RBFOX1: variants seen among roughly 807,000 people sequenced by gnomAD.
RBFOX1 encodes the protein RNA binding protein fox-1 homolog 1.
Under a neutral mutation model 57.7 loss-of-function variants are expected in RBFOX1, and 8 were observed. That is an observed-to-expected ratio of 0.14 (90% CI 0.08 to 0.25). The LOEUF is 0.25. RBFOX1 is among the 10% of genes least tolerant of loss of function. The pLI is 1.00. For synonymous variants in RBFOX1, 326 were observed against 222.4 expected, an observed-to-expected ratio of 1.47 and a Z score of -4.15; for missense variants, 611 against 548.5, an observed-to-expected ratio of 1.11 and a Z score of -1.14.
chr16:7,504,171 T>G (rs901960942), intron 4 of RBFOX1, among the ~76,000 whole-genome samples: 2 of 152,274 alleles, frequency 1.3e-5, no homozygotes, highest in Admixed American at 6.5e-5. Flanking sequence ...GATAATTTTC[T>G]TAGCGTCTCA....
chr16:6,553,028 A>G (rs1361875145), intron 2 of RBFOX1, among the ~76,000 whole-genome samples: 1 of 152,142 alleles, frequency 6.6e-6, no homozygotes, highest in Non-Finnish European at 1.5e-5. Flanking sequence ...GGCTTTTATT[A>G]TTATTTGTTT....
At chr16:5,386,702 C>G (rs990044170) in intron 1 of RBFOX1, among the ~76,000 whole-genome samples, 1 of 152,132 alleles carries the variant, frequency 6.6e-6, no homozygotes, top group African/African-American at 2.4e-5. Context: ...TGGCCACCTC[C>G]TTGATTCCCC....
chr16:6,118,245 A>G (rs1343167322), intron 1 of RBFOX1, among the ~76,000 whole-genome samples: 11 of 152,134 alleles, frequency 7.2e-5, no homozygotes, highest in Admixed American at 6.5e-4. Context: ...CCAGGATCCA[A>G]TCCATTATTC....
intron 4 of RBFOX1, among the ~76,000 whole-genome samples, chr16:7,218,326 T>G (rs1180818778): frequency 1.3e-5 from 2 of 152,232 alleles, no homozygotes; most frequent in African/African-American, 4.8e-5. Flanking sequence ...TAAGCCATCA[T>G]CAGTATATTG....
At chr16:7,120,558 A>G (rs141724570) in intron 4 of RBFOX1, among the ~76,000 whole-genome samples, 13 of 151,978 alleles carry the variant, frequency 8.6e-5, no homozygotes, top group African/African-American at 3.1e-4. Flanking sequence ...TTCCTTGACA[A>G]CCATTACCAA....
At chr16:5,566,265 A>G (rs951696582) in intron 2 of RBFOX1, among the ~76,000 whole-genome samples, 1 of 152,100 alleles carries the variant, frequency 6.6e-6, no homozygotes, top group Non-Finnish European at 1.5e-5. Context: ...CTGAGGGTTC[A>G]TGTATTAACA....
intron 4 of RBFOX1, among the ~76,000 whole-genome samples, chr16:5,986,581 GTC>G: frequency 6.6e-6 from 1 of 151,614 alleles, no homozygotes; most frequent in South Asian, 2.1e-4. Flanking sequence ...CTGATTCGTT[GTC>G]TGTATCTAAA....
At chr16:6,928,476 C>A (rs1237680860) in intron 3 of RBFOX1, among the ~76,000 whole-genome samples, 2 of 152,150 alleles carry the variant, frequency 1.3e-5, no homozygotes, top group African/African-American at 4.8e-5. Context: ...GAACGTTCAA[C>A]TCAGAAATAA....
rs144016010 is a variant in RBFOX1 at position 5,755,935 on chromosome 16, G to C, written c.319-111368G>C. Among the ~76,000 whole-genome samples, 9 of 152,252 alleles carry C rather than the reference G, an allele frequency of 5.9e-5. No homozygotes were observed. In the East Asian group the frequency reaches 1.5e-3, roughly 26 times the overall value. The stretch of plus-strand genomic sequence containing the variant: ...TGGAGCTGAGGGCATAATGAAGAGA[G>C]GGAAGTAGGAGATGAAGTAAAGGAG... On this transcript the variant is annotated intron_variant, in intron 3 of 19. Coordinates refer to the RBFOX1 transcript ENST00000641259.
In RBFOX1 at chr16:5,579,869, C is replaced by G. The variant is rs149269516; in HGVS notation, c.259-19033C>G. On this transcript the variant is annotated intron_variant, in intron 2 of 2. Transcript: ENST00000585867. ...CCGCCTCCCGGGTTCAAGCTATTCT[C>G]CTGCTTCAGCCTCCCAAGTAGCTGG... 3.8e-3 allele frequency among the ~76,000 whole-genome samples: 585 copies of G among 152,090 alleles called. 3 individuals are homozygous for G. Among genetic ancestry groups the G allele is most frequent in the African/African-American group, 0.014 (567 of 41,452 alleles).
At chr16:6,036,977 C>A (rs1474550197) in intron 1 of RBFOX1, among the ~76,000 whole-genome samples, 7 of 152,130 alleles carry the variant, frequency 4.6e-5, no homozygotes, top group Admixed American at 2.0e-4. Context: ...CCTGTTTTAA[C>A]CTTCTGGTGG....
intron 4 of RBFOX1, among the ~76,000 whole-genome samples, chr16:7,108,131 A>G (rs1321120919): frequency 6.6e-6 from 1 of 152,158 alleles, no homozygotes; most frequent in African/African-American, 2.4e-5. Flanking sequence ...TAATTAGCAT[A>G]AAACAAAATA....
intron 3 of RBFOX1, among the ~76,000 whole-genome samples, chr16:5,624,221 G>C (rs112988112): frequency 0.045 from 6,815 of 152,246 alleles, 513 homozygotes; most frequent in African/African-American, 0.15. Context: ...TTGAGACGGA[G>C]TCTCGCTCTG....
chr16:6,802,531 C>T (rs921048312), intron 3 of RBFOX1, among the ~76,000 whole-genome samples: 8 of 152,014 alleles, frequency 5.3e-5, no homozygotes, highest in African/African-American at 1.2e-4. Context: ...ACAAAAGTTA[C>T]TCGGGCATGG....
At chr16:7,649,125 A>C (rs755117709) in intron 11 of RBFOX1, among the ~76,000 whole-genome samples, 6 of 152,142 alleles carry the variant, frequency 3.9e-5, no homozygotes, top group Admixed American at 1.3e-4. Flanking sequence ...TAAAATGGGG[A>C]AAGTACAGCT....
chr16:5,588,451 G>A (rs1412369158), intron 2 of RBFOX1, among the ~76,000 whole-genome samples: 1 of 152,208 alleles, frequency 6.6e-6, no homozygotes, highest in Non-Finnish European at 1.5e-5. Flanking sequence ...GTCATGTATT[G>A]AAGCACATAG....
intron 3 of RBFOX1, among the ~76,000 whole-genome samples, chr16:7,003,107 A>C (rs1413640182): frequency 6.6e-6 from 1 of 152,104 alleles, no homozygotes; most frequent in East Asian, 1.9e-4. Flanking sequence ...ATAGTCTTGC[A>C]GGAGCATTGC....
At chr16:7,055,905 A>C (rs578220023) in intron 4 of RBFOX1, among the ~76,000 whole-genome samples, 1 of 152,046 alleles carries the variant, frequency 6.6e-6, no homozygotes, top group African/African-American at 2.4e-5. Flanking sequence ...TGGGCTCAGC[A>C]ACTTTGTGAA....
intron 1 of RBFOX1, among the ~76,000 whole-genome samples, chr16:6,296,784 A>G (rs1311558407): frequency 6.6e-6 from 1 of 152,172 alleles, no homozygotes; most frequent in African/African-American, 2.4e-5. Context: ...ACATGAGTTT[A>G]CTTGCCAGAG....
Sources: gnomAD v4.1 joint callset for allele counts (sites outside exome capture counted in the v4.1 genomes callset) on GRCh38, gnomAD v4.1.1 for gene constraint, MANE v1.5 for transcripts, NCBI Gene and HGNC (gene_info 2026-07-23, HGNC 2026-07-21) for gene names.